Variants in PRPSAP2 observed in about 807,000 individuals in gnomAD.
The protein encoded by PRPSAP2 is phosphoribosyl pyrophosphate synthase-associated protein 2.
PRPSAP2 carries 24 observed loss-of-function variants against 40.6 expected under a neutral mutation model. That is an observed-to-expected ratio of 0.59 (90% CI 0.43 to 0.83). PRPSAP2 has a LOEUF of 0.83. Among genes scored for constraint, PRPSAP2 ranks in the 40% least tolerant of loss-of-function variants. The pLI is 0.00. For missense variants in PRPSAP2, 292 were observed against 465.6 expected, an observed-to-expected ratio of 0.63 and a Z score of 3.43; for synonymous variants, 149 against 164.7, an observed-to-expected ratio of 0.90 and a Z score of 0.73.
At chr17:18,857,339 C>T (rs1366651922), upstream of PRPSAP2, among the ~76,000 whole-genome samples, 1 of 151,136 alleles carries the variant, frequency 6.6e-6, no homozygotes, top group African/African-American at 2.4e-5. Context: ...CGTCTCAAAA[C>T]AAAAAACTAA....
intron 6 of PRPSAP2, 24 bp from the exon 7 acceptor site, chr17:18,882,544 C>A: frequency 7.3e-7 from 1 of 1,362,492 alleles, no homozygotes; most frequent in Non-Finnish European, 1.0e-6. Flanking sequence ...CTATTTATTG[C>A]TTGTGTCTGC....
chr17:18,882,376 TG>T (rs2038822369), intron 6 of PRPSAP2, among the ~76,000 whole-genome samples, 191 bp from the exon 7 acceptor site: 1 of 151,810 alleles, frequency 6.6e-6, no homozygotes, highest in Admixed American at 6.6e-5. Context: ...CTGGGCGTGG[TG>T]GCATGCACCT....
rs961198727 is a variant in PRPSAP2, at chr17:18,881,931, C to A, written c.413-637C>A. Among the ~76,000 whole-genome samples, 5 of 150,666 alleles carry A rather than the reference C, an allele frequency of 3.3e-5. No homozygotes were observed. In the Admixed American group the frequency reaches 3.3e-4, roughly 10 times the overall value. ...TCTTGGCTCACTGCAACCTCTGCCT[C>A]CCGGATTCAAGCTATTCTTCTGCCT... On this transcript the variant is annotated intron_variant, in intron 6 of 11. Coordinates refer to ENST00000268835, the MANE Select transcript of PRPSAP2 (RefSeq NM_002767.4).
Position 18,919,247 on chromosome 17 carries a change from A to G in PRPSAP2, c.734-4667A>G, listed in dbSNP as rs756010715. On this transcript the variant is annotated intron_variant, in intron 9 of 11. Transcript: ENST00000268835. ...CAGGCGGCTGGGCGCAGTGGCTCAC[A>G]CCTGTAATCCCAGCACTTTGGGAGG... Among the ~76,000 whole-genome samples, 172 of 152,168 alleles carry G rather than the reference A, an allele frequency of 1.1e-3. 1 individual carries two copies. The highest frequency in any genetic ancestry group is 1.1e-3 in the Non-Finnish European group (78 of 67,984).
intron 8 of PRPSAP2, among the ~76,000 whole-genome samples, chr17:18,896,532 G>T (rs190672241): frequency 6.7e-6 from 1 of 150,368 alleles, no homozygotes; most frequent in African/African-American, 2.4e-5. Context: ...TTACATGCAG[G>T]AATAAGCTTT....
chr17:18,918,136 A>G (rs1038186381), intron 9 of PRPSAP2, among the ~76,000 whole-genome samples: 1 of 152,124 alleles, frequency 6.6e-6, no homozygotes, highest in African/African-American at 2.4e-5. Flanking sequence ...CTGGGATTCC[A>G]GCTATACTTT....
rs552909974 is a variant in PRPSAP2, at chr17:18,901,233, C to T, written c.585-9870C>T. Among the ~76,000 whole-genome samples the T allele has an allele frequency of 5.3e-5, 8 of 152,266 alleles. No individual in the cohort carries two copies. The South Asian group carries it at 1.2e-3, about 24-fold the overall frequency. On this transcript the variant is annotated intron_variant, in intron 8 of 11. Transcript: ENST00000268835. ...CGACCTTTGTTGGAGCTTTTCTTGT[C>T]TTTGCCCACTGGCATTTTTGGGTCG...
intron 6 of PRPSAP2, among the ~76,000 whole-genome samples, chr17:18,878,097 G>A (rs1440554941): frequency 1.3e-5 from 2 of 152,086 alleles, no homozygotes; most frequent in African/African-American, 4.8e-5. Flanking sequence ...TAAATTTTTT[G>A]TAGATACTGG....
chr17:18,889,711 T>C, intron 7 of PRPSAP2, 111 bp from the exon 8 acceptor site: 3 of 782,424 alleles, frequency 3.8e-6, no homozygotes, highest in South Asian at 4.6e-5. Flanking sequence ...GAATTTTACT[T>C]TGAACTTTTT....
chr17:18,873,104 AGTG>A (rs1679419008), intron 5 of PRPSAP2, among the ~76,000 whole-genome samples: 1 of 150,140 alleles, frequency 6.7e-6, no homozygotes, highest in Admixed American at 6.6e-5. Flanking sequence ...GGCCTACCAA[AGTG>A]GTGGGATTAC....
At chr17:18,884,491 C>T (rs913113097) in intron 7 of PRPSAP2, among the ~76,000 whole-genome samples, 9 of 152,026 alleles carry the variant, frequency 5.9e-5, no homozygotes, top group Non-Finnish European at 1.3e-4. Context: ...AGGTGTGCCA[C>T]CACACCTAGC....
intron 1 of PRPSAP2, among the ~76,000 whole-genome samples, chr17:18,863,739 G>A (rs980012716): frequency 6.6e-6 from 1 of 150,682 alleles, no homozygotes; most frequent in Admixed American, 6.6e-5. Flanking sequence ...TCGCCATGTT[G>A]TCCAGGCTGG....
intron 5 of PRPSAP2, among the ~76,000 whole-genome samples, chr17:18,873,270 C>CGCAACCTCGGCTTACT (rs1352654324): frequency 2.0e-5 from 3 of 150,018 alleles, no homozygotes; most frequent in Admixed American, 1.3e-4. Context: ...CTCGGCTTAC[C>CGCAACCTCGGCTTACT]GCAACCTCAG....
In PRPSAP2 at chr17:18,865,802, G is replaced by A; in HGVS notation, c.-32G>A. On this transcript the variant is annotated splice_region_variant and 5_prime_UTR_variant, in exon 3 of 12. Transcript: ENST00000268835. ...TTTAATAAGTATTATATCCTTCTAG[G>A]CTCTGAAAATTGGAAAACCAAGAAG... 1.4e-6 allele frequency: 2 copies of A among 1,440,312 alleles called. No individual in the cohort carries two copies. The highest frequency in any genetic ancestry group is 1.6e-5 in the South Asian group (1 of 61,616). The allele number at this position is 1,440,312 out of a possible 1,614,324, so 89.2% of individuals were successfully genotyped here.
chr17:18,892,745 A>ATTTTTTTAT (rs1555554151), intron 8 of PRPSAP2, among the ~76,000 whole-genome samples: 11 of 125,702 alleles, frequency 8.8e-5, no homozygotes, highest in South Asian at 2.6e-4. Context: ...TTATTTATTT[A>ATTTTTTTAT]TTTTTTTGAG....
chr17:18,864,589 C>A (rs1375500723), intron 1 of PRPSAP2, among the ~76,000 whole-genome samples: 1 of 152,058 alleles, frequency 6.6e-6, no homozygotes, highest in African/African-American at 2.4e-5. Context: ...CCGCGCCCAG[C>A]CATGTTTCAG....
chr17:18,892,258 G>C (rs1195010922), intron 8 of PRPSAP2, among the ~76,000 whole-genome samples: 1 of 151,584 alleles, frequency 6.6e-6, no homozygotes, highest in Non-Finnish European at 1.5e-5. Flanking sequence ...TTTACCGTTT[G>C]GCTATTATGA....
rs750042279 is a variant in PRPSAP2 at position 18,928,873 on chromosome 17, T to A, written c.867T>A (p.Gly289=). 1 of 1,614,050 alleles carries A rather than the reference T, an allele frequency of 6.2e-7. No individual in the cohort carries two copies. The highest frequency in any genetic ancestry group is 8.5e-7 in the Non-Finnish European group (1 of 1,179,994). The change falls in exon 11 of 12, where the codon GGT becomes GGA. Residue 289 remains glycine (G), a synonymous_variant. Transcript: ENST00000268835. ...LAAAETLKER[G]AYKIFVMATH... Reference sequence around the variant, plus strand: ...CAGCAGAGACCCTGAAGGAAAGAGGTGCATATAAGATCTTTGTGATGGCAA... The same window carrying A: ...CAGCAGAGACCCTGAAGGAAAGAGGAGCATATAAGATCTTTGTGATGGCAA...
chr17:18,878,791 G>A (rs909095662), intron 6 of PRPSAP2, among the ~76,000 whole-genome samples: 2 of 151,758 alleles, frequency 1.3e-5, no homozygotes, highest in Non-Finnish European at 2.9e-5. Flanking sequence ...TCCCGACCCC[G>A]CCTCAGACTC....
Sources: allele counts gnomAD v4.1 joint callset (sites outside exome capture counted in the v4.1 genomes callset), GRCh38; gene constraint gnomAD v4.1.1; transcripts MANE v1.5; gene names NCBI Gene and HGNC (gene_info 2026-07-23, HGNC 2026-07-21).